The following ABCB5 variants were observed in gnomAD, a reference collection of about 807,000 sequenced individuals.
ABCB5 encodes the protein ATP binding cassette subfamily B member 5.
In ABCB5, 155 loss-of-function variants were observed where a neutral mutation model predicts 144.2. That is an observed-to-expected ratio of 1.08 (90% CI 0.94 to 1.23). The LOEUF (loss-of-function observed/expected upper bound fraction) is 1.23, where lower values mean the gene tolerates loss of function less well. ABCB5 is among the 50% of genes most tolerant of loss of function. The probability of loss-of-function intolerance (pLI) is 0.00; values close to 1 mark genes in which losing one functional copy is unlikely to be tolerated. For missense variants in ABCB5, 1,830 were observed against 1,520.8 expected, an observed-to-expected ratio of 1.20 and a Z score of -3.38; for synonymous variants, 610 against 528.6, an observed-to-expected ratio of 1.15 and a Z score of -2.11.
At chr7:20,654,254 C>T (rs2128027586) in intron 13 of ABCB5, among the ~76,000 whole-genome samples, 1 of 152,018 alleles carries the variant, frequency 6.6e-6, no homozygotes, top group East Asian at 1.9e-4. Flanking sequence ...AATTACAGTA[C>T]TCAGTACATC....
chr7:20,621,695 A>T (rs1441895704), intron 1 of ABCB5, among the ~76,000 whole-genome samples: 1 of 152,172 alleles, frequency 6.6e-6, no homozygotes, highest in Admixed American at 6.5e-5. Context: ...CGAATATAAT[A>T]CAGACACAAG....
In ABCB5 at chr7:20,686,249, G is replaced by C. The variant is rs577435878; in HGVS notation, c.2010+413G>C. Among the ~76,000 whole-genome samples the C allele has an allele frequency of 2.0e-5, 3 of 152,304 alleles. No homozygotes were observed. The South Asian group carries it at 6.2e-4, about 32-fold the overall frequency. ...AGCACATACACCACCCAGGCTTGCA[G>C]TCCCAGGGCACAACCTGAGAAGCCT... On this transcript the variant is annotated intron_variant, in intron 16 of 27. Coordinates refer to ENST00000404938, the MANE Select transcript of ABCB5 (RefSeq NM_001163941.2).
At chr7:20,658,796 C>A in intron 14 of ABCB5, 120 bp downstream of exon 14, 1 of 1,238,412 alleles carries the variant, frequency 8.1e-7, no homozygotes, top group Non-Finnish European at 1.1e-6. Context: ...GGTATAAAGG[C>A]AGGATGTTAA....
chr7:20,678,797 T>C lies in ABCB5; in HGVS notation c.1708-2708T>C, dbSNP rs148064758. 2.9e-3 allele frequency among the ~76,000 whole-genome samples: 440 copies of C among 152,286 alleles called. 3 individuals are homozygous for C. The highest frequency in any genetic ancestry group is 5.5e-3 in the Non-Finnish European group (371 of 68,022). The stretch of plus-strand genomic sequence containing the variant: ...GTGACAGACAAGCTGACCAGCCCAA[T>C]AGCAAATAGAATACAAAAACAGACA... On this transcript the variant is annotated intron_variant, in intron 14 of 27. Transcript: ENST00000404938.
In ABCB5 at chr7:20,648,427, C is replaced by T. The variant is rs548186437; in HGVS notation, c.1206+349C>T. ...CTCATTTTAACCCCCTCCTCTCTAA[C>T]CTAGGAGAATTATGCACATGTGCCT... On this transcript the variant is annotated intron_variant, in intron 11 of 27. Coordinates refer to ENST00000404938, the MANE Select transcript of ABCB5 (RefSeq NM_001163941.2). Among the ~76,000 whole-genome samples the T allele has an allele frequency of 3.2e-4, 49 of 152,252 alleles. No homozygotes were observed. The South Asian group carries it at 9.8e-3, about 30-fold the overall frequency.
rs186492757 is a variant in ABCB5, at chr7:20,678,021, T to A, written c.1708-3484T>A. ...TGCCCTTCTAAATCTTTCTTACTTTTAAACCAAAGTGCAATACATGCACAT... is the reference window on the plus strand; with the variant it reads ...TGCCCTTCTAAATCTTTCTTACTTTAAAACCAAAGTGCAATACATGCACAT... On this transcript the variant is annotated intron_variant, in intron 14 of 27. Transcript: ENST00000404938. 5.0e-3 allele frequency among the ~76,000 whole-genome samples: 758 copies of A among 152,264 alleles called. 7 individuals carry two copies. Among genetic ancestry groups the A allele is most frequent in the African/African-American group, 0.017 (718 of 41,546 alleles).
intron 5 of ABCB5, among the ~76,000 whole-genome samples, chr7:20,633,287 C>T (rs1784078483): frequency 6.6e-6 from 1 of 151,958 alleles, no homozygotes; most frequent in African/African-American, 2.4e-5. Flanking sequence ...TCTGAGTTTC[C>T]TAGGTAGACA....
chr7:20,616,852 T>C (rs899769046), intron 1 of ABCB5, among the ~76,000 whole-genome samples: 31 of 152,234 alleles, frequency 2.0e-4, no homozygotes, highest in African/African-American at 6.3e-4. Context: ...ACCTGCCAAC[T>C]GGCTCACAAA....
intron 22 of ABCB5, among the ~76,000 whole-genome samples, chr7:20,727,637 G>C (rs1782078563): frequency 6.6e-6 from 1 of 152,148 alleles, no homozygotes; most frequent in Non-Finnish European, 1.5e-5. Flanking sequence ...TGGAGGCTGA[G>C]GCAGGAGAAT....
At chr7:20,705,464 G>T (rs1326959375) in intron 20 of ABCB5, among the ~76,000 whole-genome samples, 1 of 152,094 alleles carries the variant, frequency 6.6e-6, no homozygotes, top group Non-Finnish European at 1.5e-5. Context: ...ATTCACCTTT[G>T]TACAACAAAT....
intron 1 of ABCB5, among the ~76,000 whole-genome samples, chr7:20,618,116 CAT>C (rs1162234151): frequency 6.6e-6 from 1 of 152,162 alleles, no homozygotes; most frequent in Non-Finnish European, 1.5e-5. Context: ...TTTGTATATT[CAT>C]AGAGTTGAGC....
intron 4 of ABCB5, among the ~76,000 whole-genome samples, chr7:20,629,145 C>CGTGTGT (rs149986314): frequency 0.11 from 15,324 of 135,012 alleles, 1,264 homozygotes; most frequent in East Asian, 0.35. Context: ...AGAGAGACTG[C>CGTGTGT]GTGTGTGTGT....
rs546649795 is a variant in ABCB5, at chr7:20,718,229, T to A, written c.2422-4787T>A. On this transcript the variant is annotated intron_variant, in intron 20 of 27. Coordinates refer to ENST00000404938, the MANE Select transcript of ABCB5 (RefSeq NM_001163941.2). ...TGGCCCAAATACAGTAACATTCTGA[T>A]AAACTGGAGGTTAGACCTAAACATA... Among the ~76,000 whole-genome samples the A allele has an allele frequency of 7.2e-5, 11 of 152,270 alleles. No homozygotes were observed. In the South Asian group the frequency reaches 1.2e-3, roughly 17 times the overall value.
chr7:20,672,313 TG>T (rs1369915752), intron 14 of ABCB5, among the ~76,000 whole-genome samples: 10 of 151,126 alleles, frequency 6.6e-5, no homozygotes, highest in African/African-American at 2.5e-4. Flanking sequence ...TTAATTTTGA[TG>T]TTTAATTTAT....
At chr7:20,751,120 A>T (rs1476350445) in intron 26 of ABCB5, among the ~76,000 whole-genome samples, 2 of 152,136 alleles carry the variant, frequency 1.3e-5, no homozygotes, top group African/African-American at 4.8e-5. Context: ...ACTGACTTTT[A>T]GCTCCGGTTC....
At chr7:20,731,285 G>A (rs1255364062) in intron 23 of ABCB5, among the ~76,000 whole-genome samples, 3 of 149,292 alleles carry the variant, frequency 2.0e-5, no homozygotes, top group African/African-American at 7.4e-5. Flanking sequence ...CCCCGGAGGT[G>A]GAGGTTGCAG....
chr7:20,715,726 CTTT>C (rs374393822), intron 20 of ABCB5, among the ~76,000 whole-genome samples: 2 of 138,740 alleles, frequency 1.4e-5, no homozygotes, highest in Admixed American at 7.2e-5. Flanking sequence ...GAGCTATAAT[CTTT>C]TTTTTTTTTT....
At chr7:20,696,119 T>C (rs1786407002) in intron 16 of ABCB5, among the ~76,000 whole-genome samples, 1 of 152,130 alleles carries the variant, frequency 6.6e-6, no homozygotes, top group Non-Finnish European at 1.5e-5. Flanking sequence ...TATATGAATG[T>C]TCATAGCAGT....
chr7:20,691,038 G>A (rs1039705051), intron 16 of ABCB5, among the ~76,000 whole-genome samples: 1 of 152,048 alleles, frequency 6.6e-6, no homozygotes, highest in Admixed American at 6.6e-5. Context: ...TGGACATCAT[G>A]CAAAGTAGGA....
Sources: gnomAD v4.1 joint callset for allele counts (sites outside exome capture counted in the v4.1 genomes callset) on GRCh38, gnomAD v4.1.1 for gene constraint, MANE v1.5 for transcripts, NCBI Gene and HGNC (gene_info 2026-07-23, HGNC 2026-07-21) for gene names.